TCF7L1: variants seen among roughly 807,000 people sequenced by gnomAD.
The protein encoded by TCF7L1 is transcription factor 7 like 1, also known as transcription factor 7-like 1.
Under a neutral mutation model 63.7 loss-of-function variants are expected in TCF7L1, and 18 were observed. The observed-to-expected ratio is 0.28, with a 90% CI of 0.20 to 0.42. TCF7L1 has a LOEUF of 0.42. Ranked by LOEUF, TCF7L1 falls within the 10% of genes least tolerant of loss-of-function variation. The pLI is 1.00. For missense variants in TCF7L1, 654 were observed against 779.3 expected (o/e 0.84, Z 1.91); for synonymous variants, 355 against 340.9 (o/e 1.04, Z -0.46).
At chr2:85,302,752 C>T in intron 5 of TCF7L1, 136 bp downstream of exon 5, 1 of 1,182,232 alleles carries the variant, frequency 8.5e-7, no homozygotes, top group Non-Finnish European at 1.2e-6. Flanking sequence ...TGGACCTTGT[C>T]TGCTAACTTT....
At chr2:85,176,059 C>G (rs993884297) in intron 3 of TCF7L1, among the ~76,000 whole-genome samples, 1 of 152,242 alleles carries the variant, frequency 6.6e-6, no homozygotes, top group Non-Finnish European at 1.5e-5. Context: ...CTCCTCTTTG[C>G]TGTGATAAGA....
intron 4 of TCF7L1, among the ~76,000 whole-genome samples, chr2:85,299,860 A>ACACACACACACACAC (rs1681927934): frequency 3.2e-5 from 3 of 92,706 alleles, no homozygotes; most frequent in East Asian, 5.7e-4. Flanking sequence ...CCTTGTCTCA[A>ACACACACACACACAC]ACACACACAC....
intron 6 of TCF7L1, 43 bp downstream of exon 6, chr2:85,304,040 G>T (rs751283027): frequency 6.8e-7 from 1 of 1,464,190 alleles, no homozygotes; most frequent in Admixed American, 1.8e-5. Flanking sequence ...CCCTCCTTGC[G>T]CTGAGCTCTG....
At position 85,306,764 on chromosome 2, in the gene TCF7L1, A is replaced by C. The variant is rs550913558; in HGVS notation, c.1257+205A>C. ...ACTGCAAGCTCCGCCTCCCCGGTTCACACCATTCTCCTGTCTCAGCCTCCC... is the reference window on the plus strand; with the variant it reads ...ACTGCAAGCTCCGCCTCCCCGGTTCCCACCATTCTCCTGTCTCAGCCTCCC... On this transcript the variant is annotated intron_variant, in intron 10 of 11. Transcript: ENST00000282111. This position sits in a 1 kb window ranked among gnomAD's most constrained non-coding sequence, Gnocchi z 4.3. 5.9e-4 allele frequency among the ~76,000 whole-genome samples: 90 copies of C among 152,272 alleles called. No homozygotes were observed. Among genetic ancestry groups the C allele is most frequent in the South Asian group, 3.9e-3 (19 of 4,822 alleles).
At chr2:85,144,098 T>C (rs1677809344) in intron 3 of TCF7L1, among the ~76,000 whole-genome samples, 3 of 152,206 alleles carry the variant, frequency 2.0e-5, no homozygotes, top group South Asian at 4.1e-4. Flanking sequence ...CTTACTATAC[T>C]CACAATTTGG....
At chr2:85,194,344 C>G (rs1679103870) in intron 3 of TCF7L1, among the ~76,000 whole-genome samples, 1 of 152,140 alleles carries the variant, frequency 6.6e-6, no homozygotes, top group South Asian at 2.1e-4. Flanking sequence ...GCCTGGTCAA[C>G]ATGGCAAAAC....
intron 3 of TCF7L1, among the ~76,000 whole-genome samples, chr2:85,241,437 G>T (rs6745884): frequency 0.12 from 9,499 of 78,790 alleles, 534 homozygotes; most frequent in African/African-American, 0.2. Flanking sequence ...CTTTGTTTTT[G>T]TTTTTTTTTT....
chr2:85,239,990 CAAGT>C (rs1389299299), intron 3 of TCF7L1, among the ~76,000 whole-genome samples: 2 of 149,092 alleles, frequency 1.3e-5, no homozygotes, highest in Non-Finnish European at 3.0e-5. Context: ...GAAAAGGAAG[CAAGT>C]AAATTAATTT....
chr2:85,272,058 G>T (rs1487137741), intron 3 of TCF7L1, among the ~76,000 whole-genome samples: 1 of 152,162 alleles, frequency 6.6e-6, no homozygotes, highest in Admixed American at 6.5e-5. Flanking sequence ...AAACCGGGTT[G>T]CCCCCCACCC....
At chr2:85,248,183 C>T (rs758715502) in intron 3 of TCF7L1, among the ~76,000 whole-genome samples, 1 of 152,162 alleles carries the variant, frequency 6.6e-6, no homozygotes, top group Non-Finnish European at 1.5e-5. Context: ...TAACTGCCCC[C>T]CTGCAATATG....
chr2:85,243,882 T>G (rs1680399755), intron 3 of TCF7L1, among the ~76,000 whole-genome samples: 1 of 152,114 alleles, frequency 6.6e-6, no homozygotes, highest in African/African-American at 2.4e-5. Context: ...CAGCACCCCC[T>G]GGGGGTGGGA....
chr2:85,289,105 A>G (rs1200222023), intron 4 of TCF7L1, among the ~76,000 whole-genome samples: 1 of 152,172 alleles, frequency 6.6e-6, no homozygotes, highest in Non-Finnish European at 1.5e-5. Flanking sequence ...TTTTTTTGAA[A>G]CCGTAAAAGT....
At chr2:85,292,705 T>C (rs1051086162) in intron 4 of TCF7L1, among the ~76,000 whole-genome samples, 9 of 152,168 alleles carry the variant, frequency 5.9e-5, no homozygotes, top group Non-Finnish European at 7.4e-5. Flanking sequence ...GCCTCCCAAG[T>C]AGCTGGAACC....
chr2:85,175,321 A>G (rs1045712083), intron 3 of TCF7L1, among the ~76,000 whole-genome samples: 2 of 152,222 alleles, frequency 1.3e-5, no homozygotes, highest in African/African-American at 4.8e-5. Flanking sequence ...GCTAGCTGAA[A>G]AATTACCCGA....
chr2:85,158,474 A>T (rs1678203413), intron 3 of TCF7L1, among the ~76,000 whole-genome samples: 1 of 152,178 alleles, frequency 6.6e-6, no homozygotes, highest in Admixed American at 6.5e-5. Context: ...TTGGGGTGAT[A>T]TGAGCCTGTT....
chr2:85,261,422 C>T (rs1284274498), intron 3 of TCF7L1, among the ~76,000 whole-genome samples: 1 of 152,156 alleles, frequency 6.6e-6, no homozygotes, highest in Non-Finnish European at 1.5e-5. Flanking sequence ...TGTGTGTGCT[C>T]ACGAAGGATA....
chr2:85,223,487 G>GGGCC (rs1169922438), intron 3 of TCF7L1, among the ~76,000 whole-genome samples: 3 of 152,178 alleles, frequency 2.0e-5, no homozygotes, highest in Admixed American at 2.0e-4. Flanking sequence ...TTAGAGGGAG[G>GGGCC]GGCCGGCAAG....
chr2:85,174,291 G>A (rs1480888658), intron 3 of TCF7L1, among the ~76,000 whole-genome samples: 1 of 152,148 alleles, frequency 6.6e-6, no homozygotes, highest in Admixed American at 6.5e-5. Context: ...AGGTTCCTCT[G>A]TGTCATGGTG....
intron 3 of TCF7L1, among the ~76,000 whole-genome samples, chr2:85,255,518 G>C (rs1351831426): frequency 6.6e-6 from 1 of 152,170 alleles, no homozygotes; most frequent in East Asian, 1.9e-4. Context: ...CTTTCCCAGG[G>C]AGCCCCAGGG....
Sources: allele counts gnomAD v4.1 joint callset (sites outside exome capture counted in the v4.1 genomes callset), GRCh38; gene constraint gnomAD v4.1.1; non-coding constraint Gnocchi (gnomAD v3.1); transcripts MANE v1.5; gene names NCBI Gene and HGNC (gene_info 2026-07-23, HGNC 2026-07-21).